Variants in PHYHD1 observed in about 807,000 individuals in gnomAD.
PHYHD1 encodes phytanoyl-CoA dioxygenase domain-containing protein 1.
In PHYHD1, 42 loss-of-function variants were observed where a neutral mutation model predicts 43.6. The observed-to-expected ratio is 0.96, with a 90% confidence interval of 0.75 to 1.25. The LOEUF is 1.25. Ranked by LOEUF, PHYHD1 falls within the 50% of genes most tolerant of loss-of-function variation. PHYHD1 has a pLI of 0.00. For missense variants in PHYHD1, 342 were observed against 370.8 expected, an observed-to-expected ratio of 0.92 and a Z score of 0.64; for synonymous variants, 139 against 143.6, an observed-to-expected ratio of 0.97 and a Z score of 0.23.
At chr9:128,934,328 G>C (rs539221421) in intron 6 of PHYHD1, among the ~76,000 whole-genome samples, 1 of 151,836 alleles carries the variant, frequency 6.6e-6, no homozygotes, top group East Asian at 1.9e-4. Context: ...GGCGGATGTT[G>C]CAGTGAGCTG....
chr9:128,932,163 A>ATTTTTTTTTTTTT (rs1564540363), intron 4 of PHYHD1, among the ~76,000 whole-genome samples: 2 of 125,348 alleles, frequency 1.6e-5, no homozygotes, highest in African/African-American at 6.7e-5. Context: ...TATTATTATT[A>ATTTTTTTTTTTTT]TTATTGTTAT....
chr9:128,938,325 AAAACC>A (rs560015458), intron 9 of PHYHD1, among the ~76,000 whole-genome samples: 1 of 152,088 alleles, frequency 6.6e-6, no homozygotes, highest in East Asian at 1.9e-4. Flanking sequence ...AACAAACAAA[AAAACC>A]AAACCAAACC....
rs553700573 is a variant in PHYHD1 at position 128,927,163 on chromosome 9, C to T, written c.159C>T (p.Phe53=). Residue 53 remains phenylalanine, a synonymous_variant, in exon 4 of 13, where the codon TTC becomes TTT. Transcript: ENST00000372592. ...MDVPLHCRTE[F]STQEEEQLRA... is the part of the protein sequence containing the mutation. ...TTCCTCTCCACTGCCGCACAGAATT[C>T]TCCACCCAGGAAGAGGAGCAGCTTC... 40 of 1,613,986 alleles carry T rather than the reference C, an allele frequency of 2.5e-5. No individual in the cohort carries two copies. The highest frequency in any genetic ancestry group is 3.3e-5 in the Non-Finnish European group (39 of 1,180,018).
chr9:128,927,327 CCCTCGCT>C, intron 4 of PHYHD1, 131 bp downstream of exon 4: 1 of 1,056,418 alleles, frequency 9.5e-7, no homozygotes, highest in Non-Finnish European at 1.4e-6. Flanking sequence ...ACACACCTTT[CCCTCGCT>C]CCTCACTGGG....
chr9:128,926,537 G>T (rs116966093), intron 3 of PHYHD1, among the ~76,000 whole-genome samples: 1 of 150,242 alleles, frequency 6.7e-6, no homozygotes, highest in Admixed American at 6.7e-5. Context: ...ACTGTGCCCA[G>T]CTTCCTTTTT....
chr9:128,940,809 C>T, intron 11 of PHYHD1, 94 bp downstream of exon 11: 1 of 1,228,784 alleles, frequency 8.1e-7, no homozygotes, highest in Non-Finnish European at 1.1e-6. Flanking sequence ...CCCTCGGGGT[C>T]ATCTGAGGGC....
rs539159638 is a variant in PHYHD1 at position 128,922,304 on chromosome 9, C to A, written c.-20C>A. 6.4e-7 allele frequency: 1 copy of A among 1,551,300 alleles called. No individual in the cohort carries two copies. Among genetic ancestry groups the A allele is most frequent in the Middle Eastern group, 1.8e-4 (1 of 5,486 alleles). On this transcript the variant is annotated 5_prime_UTR_variant, in exon 3 of 13. Coordinates refer to ENST00000372592, the MANE Select transcript of PHYHD1 (RefSeq NM_001100876.2). ...CCAGGAGGCCGCGCTTAGAAGCCGC[C>A]CAGTGCCCTGAGCGTCTCCATGGCC...
rs746672381 is a variant in PHYHD1 at position 128,940,386 on chromosome 9, G to A, written c.475G>A (p.Ala159Thr). The part of the protein sequence containing the change: ...FGGEVSPHQD[A>T]SFLYTEPLGR... ...CTGCTTAGTCTCCCCTCATCAGGAC[G>A]CCTCCTTCCTGTACACGGAGCCCCT... Residue 159 changes from alanine (A) to threonine (T), a missense_variant, in exon 10 of 13, where the codon GCC becomes ACC. Physicochemically the swap from Ala to Thr is moderately conservative, Grantham distance 58. Coordinates refer to ENST00000372592, the MANE Select transcript of PHYHD1 (RefSeq NM_001100876.2). The A allele has an allele frequency of 9.9e-6, 16 of 1,614,054 alleles. No homozygotes were observed. Among genetic ancestry groups the A allele is most frequent in the African/African-American group, 2.7e-5 (2 of 74,922 alleles).
At chr9:128,923,240 G>C (rs144523949) in intron 3 of PHYHD1, among the ~76,000 whole-genome samples, 1 of 152,108 alleles carries the variant, frequency 6.6e-6, no homozygotes, top group East Asian at 1.9e-4. Flanking sequence ...CACCGTGCCC[G>C]GTCCTATTTT....
rs141824891 is a variant in PHYHD1, at chr9:128,926,340, C to T, written c.34-698C>T. Among the ~76,000 whole-genome samples the T allele has an allele frequency of 3.8e-4, 58 of 152,070 alleles. No homozygotes were observed. In the East Asian group the frequency reaches 0.01, roughly 27 times the overall value. On this transcript the variant is annotated intron_variant, in intron 3 of 12. Transcript: ENST00000372592. The stretch of plus-strand genomic sequence containing the variant: ...CCACCTCCTGGGTTCAAGCTATTCT[C>T]CTGCCTCCAAGCTATTCTCCTGCCT...
At chr9:128,922,419 T>C in intron 3 of PHYHD1, 63 bp downstream of exon 3, 6 of 1,528,154 alleles carry the variant, frequency 3.9e-6, no homozygotes, top group Non-Finnish European at 5.3e-6. Context: ...GGACCTTCAG[T>C]AGTCCCAGTG....
At chr9:128,926,848 T>C (rs1296037494) in intron 3 of PHYHD1, 190 bp from the exon 4 acceptor site, 1 of 759,212 alleles carries the variant, frequency 1.3e-6, no homozygotes, top group Non-Finnish European at 2.3e-6. Context: ...CCGGCCTCAC[T>C]ACTTGTTCTT....
intron 2 of PHYHD1, 73 bp downstream of exon 2, chr9:128,922,120 G>C (rs1841012293): frequency 1.7e-6 from 1 of 580,244 alleles, no homozygotes. Flanking sequence ...GATGGGAAAG[G>C]GCAAATCCTG....
At chr9:128,923,610 C>G (rs1360760379) in intron 3 of PHYHD1, among the ~76,000 whole-genome samples, 3 of 152,194 alleles carry the variant, frequency 2.0e-5, no homozygotes, top group Non-Finnish European at 4.4e-5. Context: ...AGATTACTCC[C>G]CACTTGGTTC....
At chr9:128,933,370 C>T (rs915631597) in intron 4 of PHYHD1, among the ~76,000 whole-genome samples, 1 of 151,896 alleles carries the variant, frequency 6.6e-6, no homozygotes, top group African/African-American at 2.4e-5. Context: ...AGGCTGGTCT[C>T]GAACTCCTGG....
rs1391979092 is a variant in PHYHD1, at chr9:128,933,924, C to T, written c.268+67C>T. ...AGGGTAGGCTGGACCTGGGAATCTG[C>T]CCCCTGGGCTGGAAGCATGCTGAAG... On this transcript the variant is annotated intron_variant, in intron 5 of 12. Transcript: ENST00000372592. 8.7e-6 allele frequency: 14 copies of T among 1,603,142 alleles called. No individual in the cohort carries two copies. The Admixed American group carries it at 1.5e-4, about 17-fold the overall frequency.
chr9:128,922,250 T>G lies in PHYHD1; in HGVS notation c.-41-33T>G, dbSNP rs897037077. On this transcript the variant is annotated intron_variant, in intron 2 of 12. Transcript: ENST00000372592. ...CTCCGGGTAGGGAAGGGTTAAGTCC[T>G]CCCAGGCTCCTAAACTTTCTCCTCC... The G allele has an allele frequency of 7.8e-6, 12 of 1,539,384 alleles. No individual in the cohort carries two copies. In the Admixed American group the frequency reaches 1.8e-4, roughly 23 times the overall value.
chr9:128,921,858 G>A (rs1223600428), intron 1 of PHYHD1, 72 bp from the exon 2 acceptor site: 4 of 164,382 alleles, frequency 2.4e-5, no homozygotes, highest in African/African-American at 4.8e-5. Flanking sequence ...TTCCACCTTT[G>A]GAATGCCCAT....
chr9:128,927,340 C>A, intron 4 of PHYHD1, 144 bp downstream of exon 4: 2 of 925,642 alleles, frequency 2.2e-6, no homozygotes, highest in Non-Finnish European at 3.2e-6. Context: ...TCGCTCCTCA[C>A]TGGGAAGTTA....
Sources: allele counts gnomAD v4.1 joint callset (sites outside exome capture counted in the v4.1 genomes callset), GRCh38; gene constraint gnomAD v4.1.1; transcripts MANE v1.5; gene names NCBI Gene and HGNC (gene_info 2026-07-23, HGNC 2026-07-21).